GRIA4: variants seen among roughly 807,000 people sequenced by gnomAD.
The protein encoded by GRIA4 is glutamate ionotropic receptor AMPA type subunit 4, also known as glutamate receptor 4.
GRIA4 carries 34 observed loss-of-function variants against 104.0 expected under a neutral mutation model. That is an observed-to-expected ratio of 0.33 (90% CI 0.25 to 0.44). GRIA4 has a LOEUF of 0.44. GRIA4 is among the 20% of genes least tolerant of loss of function. The pLI is 1.00. For missense variants in GRIA4, 750 were observed against 1,096.5 expected, an observed-to-expected ratio of 0.68 and a Z score of 4.46; for synonymous variants, 386 against 381.9, an observed-to-expected ratio of 1.01 and a Z score of -0.13.
chr11:105,727,014 C>T (rs903774009), intron 3 of GRIA4, among the ~76,000 whole-genome samples: 1 of 151,974 alleles, frequency 6.6e-6, no homozygotes, highest in Non-Finnish European at 1.5e-5. Context: ...AGCAAGGAAA[C>T]ATAACTGGAC....
chr11:105,956,236 C>T (rs1328720295), intron 14 of GRIA4, among the ~76,000 whole-genome samples: 1 of 152,058 alleles, frequency 6.6e-6, no homozygotes, highest in South Asian at 2.1e-4. Flanking sequence ...TTAGTTATAT[C>T]TCCTAATGCT....
intron 3 of GRIA4, among the ~76,000 whole-genome samples, chr11:105,625,216 G>A (rs567463235): frequency 7.9e-5 from 12 of 151,972 alleles, no homozygotes; most frequent in Non-Finnish European, 1.3e-4. Context: ...GGATGATACC[G>A]TACTAAAGAC....
At chr11:105,802,072 G>C (rs765010536) in intron 4 of GRIA4, among the ~76,000 whole-genome samples, 1 of 152,134 alleles carries the variant, frequency 6.6e-6, no homozygotes, top group Non-Finnish European at 1.5e-5. Flanking sequence ...ACTGGGTCCA[G>C]ATGGGCAGAT....
chr11:105,977,427 C>T (rs1448309668), intron 16 of GRIA4, among the ~76,000 whole-genome samples: 1 of 151,914 alleles, frequency 6.6e-6, no homozygotes, highest in African/African-American at 2.4e-5. Context: ...TTGGATTAGA[C>T]TCGTGGATAT....
intron 3 of GRIA4, among the ~76,000 whole-genome samples, chr11:105,630,862 G>A (rs1417236482): frequency 6.6e-6 from 1 of 152,176 alleles, no homozygotes; most frequent in Non-Finnish European, 1.5e-5. Flanking sequence ...TATAATGAGA[G>A]TCTTCAAGTG....
At chr11:105,706,734 T>C (rs1953716240) in intron 3 of GRIA4, 1 of 152,328 alleles carries the variant, frequency 6.6e-6, no homozygotes, top group African/African-American at 2.4e-5. Flanking sequence ...TAACACCCTC[T>C]GAAAGACATG....
At chr11:105,967,386 T>A (rs952838267) in intron 14 of GRIA4, among the ~76,000 whole-genome samples, 3 of 152,156 alleles carry the variant, frequency 2.0e-5, no homozygotes, top group East Asian at 3.9e-4. Flanking sequence ...GACAACTCAG[T>A]CAGATTTAAT....
At chr11:105,657,514 T>C (rs1475778247) in intron 3 of GRIA4, among the ~76,000 whole-genome samples, 1 of 152,078 alleles carries the variant, frequency 6.6e-6, no homozygotes, top group African/African-American at 2.4e-5. Flanking sequence ...TCTATTGATT[T>C]TCCCTTAGTG....
chr11:105,685,888 T>C (rs1222078806), intron 3 of GRIA4, among the ~76,000 whole-genome samples: 3 of 151,770 alleles, frequency 2.0e-5, no homozygotes, highest in African/African-American at 7.3e-5. Context: ...AAATCTAGTA[T>C]ACAATAAGAA....
intron 5 of GRIA4, among the ~76,000 whole-genome samples, chr11:105,868,090 A>T (rs898663114): frequency 6.6e-6 from 1 of 152,200 alleles, no homozygotes; most frequent in Non-Finnish European, 1.5e-5. Context: ...AGAAACAGAG[A>T]TATTACAAAA....
At chr11:105,738,470 T>A (rs781040990) in intron 3 of GRIA4, among the ~76,000 whole-genome samples, 1 of 152,140 alleles carries the variant, frequency 6.6e-6, no homozygotes, top group African/African-American at 2.4e-5. Context: ...GGTAAACACA[T>A]ACATTAAACA....
intron 3 of GRIA4, chr11:105,613,396 A>T (rs1263168956): frequency 6.6e-6 from 1 of 152,226 alleles, no homozygotes; most frequent in Non-Finnish European, 1.5e-5. Context: ...TTAAATTCAT[A>T]AATTCAGATA....
chr11:105,980,140 C>G lies in GRIA4; in HGVS notation c.*401C>G, dbSNP rs951850236. The stretch of plus-strand genomic sequence containing the variant: ...AAAGGATAAAATAGTTGTAGAAGTC[C>G]GTGAACATGCTAACCTGTGTCTCCA... On this transcript the variant is annotated 3_prime_UTR_variant, in exon 17 of 17. Transcript: ENST00000282499. 1 of 159,568 alleles carries G rather than the reference C, an allele frequency of 6.3e-6. No homozygotes were observed. The highest frequency in any genetic ancestry group is 2.4e-5 in the African/African-American group (1 of 41,708). The allele number at this position is 159,568 out of a possible 1,614,324, so 9.9% of individuals were successfully genotyped here. A position where few individuals can be genotyped will look rare whatever the true frequency, so the allele number is the denominator to read the frequency against.
intron 3 of GRIA4, among the ~76,000 whole-genome samples, chr11:105,703,582 T>C (rs1953583745): frequency 6.6e-6 from 1 of 152,176 alleles, no homozygotes; most frequent in South Asian, 2.1e-4. Flanking sequence ...AACAAATAAA[T>C]ATTGGAAGTA....
rs78043027 is a variant in GRIA4 at position 105,937,844 on chromosome 11, A to T, written c.2294+3875A>T. Among the ~76,000 whole-genome samples the T allele has an allele frequency of 7.8e-3, 1,182 of 152,350 alleles. 7 individuals carry two copies. Among genetic ancestry groups the T allele is most frequent in the Non-Finnish European group, 0.013 (904 of 68,026 alleles). ...CTTCAGGGGGTGAGACCTGGAAAAAATGAGGCCCAGTTGTACTTGGCAATG... is the reference window on the plus strand; with the variant it reads ...CTTCAGGGGGTGAGACCTGGAAAAATTGAGGCCCAGTTGTACTTGGCAATG... On this transcript the variant is annotated intron_variant, in intron 14 of 16. Transcript: ENST00000282499.
intron 3 of GRIA4, among the ~76,000 whole-genome samples, chr11:105,751,976 C>T (rs972943140): frequency 6.6e-6 from 1 of 152,160 alleles, no homozygotes; most frequent in East Asian, 1.9e-4. Context: ...GTTAGCCATA[C>T]ATGATAAACC....
intron 4 of GRIA4, among the ~76,000 whole-genome samples, chr11:105,844,208 C>T (rs562002412): frequency 1.3e-5 from 2 of 152,142 alleles, no homozygotes; most frequent in African/African-American, 4.8e-5. Context: ...ATGGATATAA[C>T]CTCCCCTTCC....
intron 3 of GRIA4, among the ~76,000 whole-genome samples, chr11:105,750,672 A>C (rs1448804327): frequency 3.3e-5 from 5 of 152,326 alleles, no homozygotes; most frequent in African/African-American, 1.2e-4. Context: ...ACAATATAAT[A>C]GGAATAAAGA....
chr11:105,979,775 G>T lies in GRIA4; in HGVS notation c.*36G>T. 3 of 1,526,472 alleles carry T rather than the reference G, an allele frequency of 2.0e-6. No homozygotes were observed. The highest frequency in any genetic ancestry group is 2.7e-6 in the Non-Finnish European group (3 of 1,104,792). The allele number at this position is 1,526,472 out of a possible 1,614,324, so 94.6% of individuals were successfully genotyped here. A position where few individuals can be genotyped will look rare whatever the true frequency, so the allele number is the denominator to read the frequency against. ...AATAATTGAGTGCCTTAATTAAACTGTTGGTGACTGGTGGAAACGCAGCCC... is the reference window on the plus strand; with the variant it reads ...AATAATTGAGTGCCTTAATTAAACTTTTGGTGACTGGTGGAAACGCAGCCC... On this transcript the variant is annotated 3_prime_UTR_variant, in exon 17 of 17. Coordinates refer to ENST00000282499, the MANE Select transcript of GRIA4 (RefSeq NM_000829.4).
Sources: allele counts gnomAD v4.1 joint callset (sites outside exome capture counted in the v4.1 genomes callset), GRCh38; gene constraint gnomAD v4.1.1; transcripts MANE v1.5; gene names NCBI Gene and HGNC (gene_info 2026-07-23, HGNC 2026-07-21).